Variants in CTNNBL1 observed in about 807,000 individuals in gnomAD.
CTNNBL1 encodes beta-catenin-like protein 1.
Under a neutral mutation model 72.7 loss-of-function variants are expected in CTNNBL1, and 31 were observed. That is an observed-to-expected ratio of 0.43 (90% CI 0.32 to 0.58). The LOEUF (loss-of-function observed/expected upper bound fraction) is 0.58. Among genes scored for constraint, CTNNBL1 ranks in the 20% least tolerant of loss-of-function variants. The pLI, the probability that CTNNBL1 is intolerant of heterozygous loss-of-function variation, is 0.08. For synonymous variants in CTNNBL1, 240 were observed against 267.3 expected, an observed-to-expected ratio of 0.90 and a Z score of 1.00; for missense variants, 534 against 725.1, an observed-to-expected ratio of 0.74 and a Z score of 3.03.
intron 10 of CTNNBL1, among the ~76,000 whole-genome samples, chr20:37,802,503 C>T (rs1230422424): frequency 3.3e-5 from 5 of 151,906 alleles, no homozygotes; most frequent in East Asian, 1.9e-4. Flanking sequence ...GTATAGTATG[C>T]GAATTGTCTC....
intron 4 of CTNNBL1, among the ~76,000 whole-genome samples, chr20:37,755,939 A>G (rs2073359554): frequency 1.3e-5 from 2 of 152,018 alleles, no homozygotes. Context: ...ATTCTTTCCA[A>G]ATACTATTTT....
chr20:37,777,461 C>CA (rs745699525), intron 8 of CTNNBL1, 44 bp downstream of exon 8: 1 of 1,590,678 alleles, frequency 6.3e-7, no homozygotes, highest in Non-Finnish European at 8.6e-7. Flanking sequence ...GGATAGGAGC[C>CA]AGGCTTGTTT....
In CTNNBL1 at chr20:37,851,780, C is replaced by T. The variant is rs183427757; in HGVS notation, c.1393-8119C>T. Reference sequence around the variant, plus strand: ...GAGAAATCCGTGAAAGTGCTTAGCACGGTGACTGGCGCTTAGTAAGGACTC... The same window carrying T: ...GAGAAATCCGTGAAAGTGCTTAGCATGGTGACTGGCGCTTAGTAAGGACTC... On this transcript the variant is annotated intron_variant, in intron 13 of 15. Coordinates refer to ENST00000361383, the MANE Select transcript of CTNNBL1 (RefSeq NM_030877.5). Among the ~76,000 whole-genome samples the T allele has an allele frequency of 1.8e-4, 28 of 152,330 alleles. No individual in the cohort carries two copies. The East Asian group carries it at 3.7e-3, about 20-fold the overall frequency.
chr20:37,852,551 A>G (rs1316605417), intron 13 of CTNNBL1, among the ~76,000 whole-genome samples: 1 of 152,198 alleles, frequency 6.6e-6, no homozygotes. Context: ...TCCTGAATCC[A>G]TCCACATACC....
rs142715523 is a variant in CTNNBL1, at chr20:37,711,937, T to C, written c.30+17785T>C. 2.8e-3 allele frequency among the ~76,000 whole-genome samples: 429 copies of C among 152,210 alleles called. 5 individuals are homozygous for C. Among genetic ancestry groups the C allele is most frequent in the East Asian group, 0.017 (89 of 5,174 alleles). ...TTTTTTAACTTTATTCCTAGCACCA[T>C]GGGAAGCCATTAGGGGTTTTAAGCT... On this transcript the variant is annotated intron_variant, in intron 1 of 15. Transcript: ENST00000361383.
chr20:37,862,127 C>CACTT (rs10656539), intron 15 of CTNNBL1, among the ~76,000 whole-genome samples: 124,502 of 151,664 alleles, frequency 0.82, 51,171 homozygotes, highest in Middle Eastern at 0.89. Flanking sequence ...CTGATGGACA[C>CACTT]AGCCCCACTC....
intron 15 of CTNNBL1, among the ~76,000 whole-genome samples, chr20:37,869,433 G>C (rs930764548): frequency 6.6e-6 from 1 of 152,232 alleles, no homozygotes. Flanking sequence ...AGGGACCAGG[G>C]GGCAGAAGTG....
At chr20:37,852,325 G>A (rs1047149199) in intron 13 of CTNNBL1, among the ~76,000 whole-genome samples, 2 of 152,196 alleles carry the variant, frequency 1.3e-5, no homozygotes, top group South Asian at 2.1e-4. Flanking sequence ...CATTTGAAGC[G>A]TACGTGATTT....
At chr20:37,797,105 A>G (rs1312998497) in intron 10 of CTNNBL1, among the ~76,000 whole-genome samples, 1 of 152,036 alleles carries the variant, frequency 6.6e-6, no homozygotes, top group Non-Finnish European at 1.5e-5. Flanking sequence ...TTTATTATTT[A>G]TTTATTTTTT....
chr20:37,828,851 C>T (rs182140083), intron 11 of CTNNBL1, among the ~76,000 whole-genome samples: 1 of 152,284 alleles, frequency 6.6e-6, no homozygotes, highest in Admixed American at 6.5e-5. Context: ...CTTGGGTTGC[C>T]ACATCCCCTG....
At chr20:37,813,197 C>A (rs1325679227) in intron 11 of CTNNBL1, among the ~76,000 whole-genome samples, 1 of 152,148 alleles carries the variant, frequency 6.6e-6, no homozygotes, top group Non-Finnish European at 1.5e-5. Flanking sequence ...TCCTCTGAGA[C>A]CAGTCTGGTA....
At chr20:37,780,169 GAAA>G (rs888858192) in intron 10 of CTNNBL1, among the ~76,000 whole-genome samples, 1 of 149,436 alleles carries the variant, frequency 6.7e-6, no homozygotes, top group Non-Finnish European at 1.5e-5. Flanking sequence ...AAAAAAACAA[GAAA>G]AAAAGAAATG....
At position 37,850,083 on chromosome 20, in the gene CTNNBL1, C is replaced by G. The variant is rs561595528; in HGVS notation, c.1392+7664C>G. Among the ~76,000 whole-genome samples the G allele has an allele frequency of 1.8e-3, 271 of 152,296 alleles. 1 individual carries two copies. Among genetic ancestry groups the G allele is most frequent in the Admixed American group, 4.0e-3 (61 of 15,294 alleles). On this transcript the variant is annotated intron_variant, in intron 13 of 15. Coordinates refer to ENST00000361383, the MANE Select transcript of CTNNBL1 (RefSeq NM_030877.5). ...AGGGACTAATCTTACTTACTTTCTCCTTTTCTCCAGTAGGGTTGTCGTTTT... is the reference window on the plus strand; with the variant it reads ...AGGGACTAATCTTACTTACTTTCTCGTTTTCTCCAGTAGGGTTGTCGTTTT...
At chr20:37,762,640 A>G (rs139893995) in intron 5 of CTNNBL1, among the ~76,000 whole-genome samples, 270 of 152,330 alleles carry the variant, frequency 1.8e-3, no homozygotes, top group African/African-American at 2.6e-3. Flanking sequence ...TCACAGGTCC[A>G]GAAAATTGAA....
chr20:37,801,022 T>G (rs2073819686), intron 10 of CTNNBL1, among the ~76,000 whole-genome samples: 1 of 152,258 alleles, frequency 6.6e-6, no homozygotes. Context: ...CGCCAGTCAT[T>G]CCTTCACATG....
At chr20:37,729,579 A>G (rs1194137290) in intron 1 of CTNNBL1, among the ~76,000 whole-genome samples, 2 of 152,146 alleles carry the variant, frequency 1.3e-5, no homozygotes, top group East Asian at 1.9e-4. Context: ...GAGATAAACA[A>G]TCTAGAAATC....
At chr20:37,851,293 C>G (rs1019765775) in intron 13 of CTNNBL1, among the ~76,000 whole-genome samples, 3 of 152,032 alleles carry the variant, frequency 2.0e-5, no homozygotes, top group African/African-American at 7.2e-5. Context: ...ATGAACAAAA[C>G]AAAACCTACC....
At chr20:37,738,252 AGCCTTGG>A (rs1385288142) in intron 3 of CTNNBL1, among the ~76,000 whole-genome samples, 24 of 152,350 alleles carry the variant, frequency 1.6e-4, no homozygotes, top group African/African-American at 5.8e-4. Flanking sequence ...CCCCTTTCTT[AGCCTTGG>A]GTGTCTCATC....
chr20:37,708,387 G>T (rs931477230), intron 1 of CTNNBL1, among the ~76,000 whole-genome samples: 1 of 152,048 alleles, frequency 6.6e-6, no homozygotes, highest in African/African-American at 2.4e-5. Context: ...GCCCAGTCTG[G>T]TCTGAAACTC....
Sources: gnomAD v4.1 joint callset for allele counts (sites outside exome capture counted in the v4.1 genomes callset) on GRCh38, gnomAD v4.1.1 for gene constraint, MANE v1.5 for transcripts, NCBI Gene and HGNC (gene_info 2026-07-23, HGNC 2026-07-21) for gene names.